The following COL4A5 variants were observed in gnomAD, a reference collection of about 807,000 sequenced individuals.
COL4A5 encodes the protein collagen type IV alpha 5 chain.
A neutral mutation model predicts 130.2 loss-of-function variants in COL4A5; 26 were observed. The observed-to-expected ratio is 0.20, with a 90% CI of 0.15 to 0.28. COL4A5 has a LOEUF of 0.28. Ranked by LOEUF, COL4A5 falls within the 10% of genes least tolerant of loss-of-function variation. COL4A5 has a pLI of 1.00. For synonymous variants in COL4A5, 496 were observed against 439.6 expected (o/e 1.13, Z -1.60); for missense variants, 1,131 against 1,344.3 (o/e 0.84, Z 2.48).
intron 31 of COL4A5, among the ~76,000 whole-genome samples, chrX:108,621,012 C>A (rs1478280933): frequency 9.0e-6 from 1 of 111,001 alleles, no homozygotes; most frequent in Non-Finnish European, 1.9e-5. Context: ...CTCTCTCTCT[C>A]CCTTTTTTTC....
At chrX:108,604,893 C>G (rs1033033243) in intron 28 of COL4A5, among the ~76,000 whole-genome samples, 5 of 111,862 alleles carry the variant, frequency 4.5e-5, no homozygotes, top group African/African-American at 1.6e-4. Context: ...CCTCACGAAC[C>G]AGCTTCTGCT....
intron 26 of COL4A5, 62 bp from the exon 27 acceptor site, chrX:108,601,823 C>T (rs772534717): frequency 2.5e-5 from 17 of 682,544 alleles, no homozygotes; most frequent in Non-Finnish European, 3.7e-5. Context: ...AGCCACTGCA[C>T]CTGGCCCTGA....
chrX:108,469,959 T>C (rs1393385380), intron 1 of COL4A5, among the ~76,000 whole-genome samples: 1 of 112,019 alleles, frequency 8.9e-6, no homozygotes, highest in Non-Finnish European at 1.9e-5. Flanking sequence ...TGCAAAAGAC[T>C]CGATTTCACT....
At chrX:108,609,097 T>C (rs1454396735) in intron 29 of COL4A5, among the ~76,000 whole-genome samples, 1 of 112,001 alleles carries the variant, frequency 8.9e-6, no homozygotes, top group African/African-American at 3.2e-5. Context: ...GTTAAAGACA[T>C]TTTTTACAAT....
At chrX:108,519,671 A>G (rs988370617) in intron 1 of COL4A5, among the ~76,000 whole-genome samples, 1 of 110,548 alleles carries the variant, frequency 9.0e-6, no homozygotes, top group Admixed American at 9.7e-5. Flanking sequence ...CTATGGTTCT[A>G]TTTCTTTTTA....
At chrX:108,615,164 G>C (rs1432762120) in intron 30 of COL4A5, 140 bp downstream of exon 30, 2 of 510,176 alleles carry the variant, frequency 3.9e-6, no homozygotes, top group Non-Finnish European at 3.5e-6. Flanking sequence ...TTTTATAAAA[G>C]TGGATAAGTA....
At chrX:108,488,792 C>G (rs2064970234) in intron 1 of COL4A5, among the ~76,000 whole-genome samples, 1 of 111,228 alleles carries the variant, frequency 9.0e-6, no homozygotes, top group African/African-American at 3.3e-5. Flanking sequence ...TAACTTATAC[C>G]TGCAGGTATA....
chrX:108,452,185 T>A (rs1452224252), intron 1 of COL4A5, among the ~76,000 whole-genome samples: 1 of 111,891 alleles, frequency 8.9e-6, no homozygotes, highest in Non-Finnish European at 1.9e-5. Context: ...TTGATCTATA[T>A]CTCTGTTTTG....
At chrX:108,516,272 G>A (rs1016748899) in intron 1 of COL4A5, among the ~76,000 whole-genome samples, 3 of 112,117 alleles carry the variant, frequency 2.7e-5, no homozygotes, top group Non-Finnish European at 5.6e-5. Flanking sequence ...AGTCTTAAAT[G>A]CACTTCGAAC....
chrX:108,509,290 T>A (rs757724088), intron 1 of COL4A5, among the ~76,000 whole-genome samples: 37 of 109,865 alleles, frequency 3.4e-4, no homozygotes, highest in African/African-American at 1.2e-3. Context: ...GAGTGGAGGG[T>A]GGGAAGAGGG....
intron 1 of COL4A5, among the ~76,000 whole-genome samples, chrX:108,444,924 G>A (rs192120721): frequency 2.0e-4 from 22 of 111,556 alleles, no homozygotes; most frequent in Admixed American, 1.1e-3. Context: ...AGTCAGACAT[G>A]GAATCTGACT....
At chrX:108,514,054 A>G (rs1241493100) in intron 1 of COL4A5, among the ~76,000 whole-genome samples, 1 of 111,642 alleles carries the variant, frequency 9.0e-6, no homozygotes, top group East Asian at 2.8e-4. Context: ...TTGAAAATCA[A>G]GTACACTATC....
At chrX:108,686,244 G>A in intron 48 of COL4A5, 115 bp downstream of exon 48, 3 of 582,022 alleles carry the variant, frequency 5.2e-6, no homozygotes, top group Non-Finnish European at 8.8e-6. Flanking sequence ...TAGCATAGCT[G>A]ACTGGTGAAT....
At position 108,589,525 on chromosome X, in the gene COL4A5, A is replaced by C. The variant is rs1021977911; in HGVS notation, c.1166-1533A>C. On this transcript the variant is annotated intron_variant, in intron 19 of 52. Coordinates refer to ENST00000328300, the MANE Select transcript of COL4A5 (RefSeq NM_033380.3). ...AAATTGAAATTAAAAATACCTATAT[A>C]TAGTGCACAGTAGACATATCTAAAG... Among the ~76,000 whole-genome samples, 2 of 111,641 alleles carry C rather than the reference A, an allele frequency of 1.8e-5. 1 individual carries two copies. Among genetic ancestry groups the C allele is most frequent in the South Asian group, 7.3e-4 (2 of 2,731 alleles).
chrX:108,598,609 T>C (rs2066565065), intron 24 of COL4A5, 93 bp from the exon 25 acceptor site: 1 of 809,878 alleles, frequency 1.2e-6, no homozygotes, highest in African/African-American at 2.0e-5. Context: ...AAGAACTATT[T>C]ATGGCTATAT....
chrX:108,441,252 A>G lies in COL4A5; in HGVS notation c.81+1046A>G, dbSNP rs192524174. The stretch of plus-strand genomic sequence containing the variant: ...AATAAGTGTGTGACAAATTATTTAA[A>G]TTTATTTGAGTGATCATTATGGATA... On this transcript the variant is annotated intron_variant, in intron 1 of 52. Transcript: ENST00000328300. Among the ~76,000 whole-genome samples the G allele has an allele frequency of 9.8e-5, 11 of 112,493 alleles. No homozygotes were observed. In the East Asian group the frequency reaches 3.1e-3, roughly 31 times the overall value.
intron 1 of COL4A5, among the ~76,000 whole-genome samples, chrX:108,450,244 G>A (rs2064494728): frequency 8.9e-6 from 1 of 111,907 alleles, no homozygotes; most frequent in Non-Finnish European, 1.9e-5. Context: ...TGAACCAGTT[G>A]ATTTTTGCAT....
At chrX:108,447,756 T>C (rs992325219) in intron 1 of COL4A5, among the ~76,000 whole-genome samples, 3 of 112,043 alleles carry the variant, frequency 2.7e-5, no homozygotes. Context: ...TGATTTTCTT[T>C]TACAAATGTA....
At chrX:108,540,111 A>G (rs990429471) in intron 2 of COL4A5, among the ~76,000 whole-genome samples, 1 of 111,940 alleles carries the variant, frequency 8.9e-6, no homozygotes, top group East Asian at 2.8e-4. Flanking sequence ...CTCTTGGATC[A>G]TAGAACATGA....
Sources: allele counts gnomAD v4.1 joint callset (sites outside exome capture counted in the v4.1 genomes callset), GRCh38; gene constraint gnomAD v4.1.1; transcripts MANE v1.5; gene names NCBI Gene and HGNC (gene_info 2026-07-23, HGNC 2026-07-21).